MAST2: variants seen among roughly 807,000 people sequenced by gnomAD.
The protein encoded by MAST2 is microtubule-associated serine/threonine-protein kinase 2.
Under a neutral mutation model 147.4 loss-of-function variants are expected in MAST2, and 70 were observed. The ratio of observed to expected loss-of-function variants is 0.47; its 90% confidence interval spans 0.39 to 0.58. MAST2 has a LOEUF of 0.58. Ranked by LOEUF, MAST2 falls within the 20% of genes least tolerant of loss-of-function variation. The pLI is 0.00. For missense variants in MAST2, 2,080 were observed against 2,302.3 expected, an observed-to-expected ratio of 0.90 and a Z score of 1.98; for synonymous variants, 869 against 896.8, an observed-to-expected ratio of 0.97 and a Z score of 0.55.
chr1:45,835,111 G>T (rs1411169720), intron 3 of MAST2, among the ~76,000 whole-genome samples: 3 of 151,840 alleles, frequency 2.0e-5, no homozygotes, highest in Admixed American at 6.6e-5. Context: ...AAATTTGGAG[G>T]CAAATTTTCC....
intron 3 of MAST2, among the ~76,000 whole-genome samples, chr1:45,849,954 T>G (rs1395725290): frequency 6.6e-6 from 1 of 152,242 alleles, no homozygotes; most frequent in Admixed American, 6.5e-5. Context: ...TGTTTTCTTT[T>G]GTATATTTAC....
At chr1:45,836,715 A>G (rs923736475) in intron 3 of MAST2, among the ~76,000 whole-genome samples, 1 of 152,228 alleles carries the variant, frequency 6.6e-6, no homozygotes, top group Non-Finnish European at 1.5e-5. Flanking sequence ...ACATAGAATA[A>G]AATTCACCCG....
chr1:46,017,712 T>C (rs1187436299), intron 10 of MAST2, among the ~76,000 whole-genome samples: 2 of 152,136 alleles, frequency 1.3e-5, no homozygotes, highest in African/African-American at 4.8e-5. Flanking sequence ...ACTTTTATAC[T>C]GTTGGTGGGA....
At chr1:45,919,425 A>T (rs1025791166) in intron 4 of MAST2, among the ~76,000 whole-genome samples, 6 of 152,218 alleles carry the variant, frequency 3.9e-5, no homozygotes, top group African/African-American at 1.4e-4. Flanking sequence ...AGCGTGATTG[A>T]TCAGTAGGTA....
intron 4 of MAST2, among the ~76,000 whole-genome samples, chr1:45,887,070 T>G (rs940395291): frequency 2.0e-5 from 3 of 152,200 alleles, no homozygotes; most frequent in East Asian, 3.9e-4. Context: ...TCAAGCTATC[T>G]GCCTACCTTG....
chr1:45,859,704 A>G (rs1645913574), intron 3 of MAST2, among the ~76,000 whole-genome samples: 2 of 152,228 alleles, frequency 1.3e-5, no homozygotes, highest in African/African-American at 4.8e-5. Flanking sequence ...CTGATAAATA[A>G]AAGGATAATT....
intron 3 of MAST2, among the ~76,000 whole-genome samples, chr1:45,836,092 G>T (rs1417096301): frequency 6.6e-6 from 1 of 152,084 alleles, no homozygotes; most frequent in Non-Finnish European, 1.5e-5. Context: ...TTGAATACTT[G>T]TTTTCTGTAT....
chr1:45,948,100 A>T (rs1429363566), intron 4 of MAST2, among the ~76,000 whole-genome samples: 1 of 152,230 alleles, frequency 6.6e-6, no homozygotes, highest in Non-Finnish European at 1.5e-5. Context: ...TAGCATTCCT[A>T]TCCGCCAACA....
chr1:46,026,291 G>C (rs947451358), intron 16 of MAST2, among the ~76,000 whole-genome samples: 4 of 152,240 alleles, frequency 2.6e-5, no homozygotes, highest in African/African-American at 9.6e-5. Flanking sequence ...TAAAGCAGGA[G>C]AGCAGAATGT....
At chr1:45,979,623 A>G (rs1297809825) in intron 5 of MAST2, among the ~76,000 whole-genome samples, 3 of 152,204 alleles carry the variant, frequency 2.0e-5, no homozygotes, top group Non-Finnish European at 4.4e-5. Context: ...GAATTGCTTG[A>G]GACCAGCCTG....
intron 10 of MAST2, among the ~76,000 whole-genome samples, chr1:46,013,775 G>T (rs545375528): frequency 6.6e-6 from 1 of 152,122 alleles, no homozygotes; most frequent in East Asian, 1.9e-4. Context: ...TTATGAAACA[G>T]CATGACAGTA....
chr1:46,028,704 C>T (rs574251463), intron 17 of MAST2, 64 bp from the exon 18 acceptor site: 5 of 1,570,396 alleles, frequency 3.2e-6, no homozygotes, highest in South Asian at 2.2e-5. Flanking sequence ...CATCCCCCAT[C>T]TCCGGCTGTC....
chr1:45,913,512 G>T (rs545023776), intron 4 of MAST2: 467 of 871,602 alleles, frequency 5.4e-4, no homozygotes, highest in Non-Finnish European at 6.1e-4. Flanking sequence ...ACTGACGCAG[G>T]AACAAGGTGC....
chr1:45,897,815 A>G lies in MAST2; in HGVS notation c.500+15420A>G, dbSNP rs183937392. On this transcript the variant is annotated intron_variant, in intron 4 of 28. Coordinates refer to ENST00000361297, the MANE Select transcript of MAST2 (RefSeq NM_015112.3). ...CAGAGCAAGACCCTGTCTTAAAAAA[A>G]CAAATAGAGCCAGGCACAGTGGCTC... Among the ~76,000 whole-genome samples, 138 of 151,934 alleles carry G rather than the reference A, an allele frequency of 9.1e-4. 1 individual carries two copies. The highest frequency in any genetic ancestry group is 3.2e-3 in the African/African-American group (131 of 41,392).
chr1:46,035,402 GT>G lies in MAST2; in HGVS notation c.4734del (p.His1580ThrfsTer23), dbSNP rs1425314195. ...LGPPRMESPS[G>X]PHRRLGSPQA... ...CCTCCCAGAATGGAAAGTCCCAGTG[GT>G]CCCCACAGGAGGCTCGGGAGCCCAC... is the stretch of plus-strand genomic sequence containing the variant. On this transcript the variant is annotated frameshift_variant, in exon 29 of 29. Coordinates refer to ENST00000361297, the MANE Select transcript of MAST2 (RefSeq NM_015112.3). LOFTEE classifies it low-confidence loss of function (END_TRUNC). The surrounding 1 kb of genome is among the most constrained non-coding windows in gnomAD (Gnocchi z 5.5). 6.2e-7 allele frequency: 1 copy of G among 1,612,426 alleles called. No individual in the cohort carries two copies. The highest frequency in any genetic ancestry group is 8.5e-7 in the Non-Finnish European group (1 of 1,179,458).
At chr1:45,887,405 G>A (rs1214897309) in intron 4 of MAST2, among the ~76,000 whole-genome samples, 1 of 152,150 alleles carries the variant, frequency 6.6e-6, no homozygotes, top group East Asian at 1.9e-4. Flanking sequence ...GATATTATTG[G>A]CATTGCTGGC....
At chr1:45,843,995 C>T (rs1645353478) in intron 3 of MAST2, among the ~76,000 whole-genome samples, 1 of 152,140 alleles carries the variant, frequency 6.6e-6, no homozygotes, top group Non-Finnish European at 1.5e-5. Flanking sequence ...TTTATCATCT[C>T]TTTTGTGTTA....
At chr1:46,011,056 C>A in intron 10 of MAST2, 117 bp downstream of exon 10, 1 of 843,444 alleles carries the variant, frequency 1.2e-6, no homozygotes, top group Non-Finnish European at 1.9e-6. Context: ...GCTTGTTACC[C>A]ACCCTCAAAG....
At chr1:45,874,520 T>A (rs1646520738) in intron 3 of MAST2, among the ~76,000 whole-genome samples, 1 of 152,228 alleles carries the variant, frequency 6.6e-6, no homozygotes, top group Non-Finnish European at 1.5e-5. Context: ...AGCTTCTTGC[T>A]GAAATTATTG....
Sources: gnomAD v4.1 joint callset for allele counts (sites outside exome capture counted in the v4.1 genomes callset) on GRCh38, gnomAD v4.1.1 for gene constraint, Gnocchi (gnomAD v3.1) non-coding constraint, MANE v1.5 for transcripts, NCBI Gene and HGNC (gene_info 2026-07-23, HGNC 2026-07-21) for gene names.